ANK1: variants seen among roughly 807,000 people sequenced by gnomAD.
The protein encoded by ANK1 is ankyrin 1.
Under a neutral mutation model 210.4 loss-of-function variants are expected in ANK1, and 51 were observed. That is an observed-to-expected ratio of 0.24 (90% CI 0.19 to 0.31). The LOEUF (loss-of-function observed/expected upper bound fraction) is 0.31, where lower values mean the gene tolerates loss of function less well. Among genes scored for constraint, ANK1 ranks in the 10% least tolerant of loss-of-function variants. ANK1 has a pLI of 1.00. For missense variants in ANK1, 2,051 were observed against 2,504.4 expected, an observed-to-expected ratio of 0.82 and a Z score of 3.86; for synonymous variants, 967 against 1,025.9, an observed-to-expected ratio of 0.94 and a Z score of 1.10.
intron 37 of ANK1, among the ~76,000 whole-genome samples, chr8:41,675,660 G>A (rs1397333389): frequency 6.6e-6 from 1 of 152,130 alleles, no homozygotes; most frequent in African/African-American, 2.4e-5. Flanking sequence ...TGTGACACAT[G>A]TGTACCCCCA....
chr8:41,894,659 A>G (rs1820101576), intron 1 of ANK1, among the ~76,000 whole-genome samples: 1 of 152,192 alleles, frequency 6.6e-6, no homozygotes. Context: ...CTGAGTGAGC[A>G]GCTCGGAGAG....
chr8:41,831,137 C>A (rs976099909), intron 1 of ANK1, among the ~76,000 whole-genome samples: 5 of 152,174 alleles, frequency 3.3e-5, no homozygotes, highest in Non-Finnish European at 7.3e-5. Flanking sequence ...TTGACGACGA[C>A]CTTCCTTAAA....
chr8:41,764,358 A>C (rs1405012682), intron 1 of ANK1, among the ~76,000 whole-genome samples: 1 of 152,238 alleles, frequency 6.6e-6, no homozygotes, highest in African/African-American at 2.4e-5. Context: ...TCCTCAGTAC[A>C]TCCAGCAAAT....
upstream of ANK1, chr8:41,797,706 A>ACGGG (rs1587023805): frequency 7.3e-6 from 8 of 1,093,824 alleles, no homozygotes; most frequent in Non-Finnish European, 9.9e-6. The surrounding 1 kb of genome is among the most constrained non-coding windows in gnomAD (Gnocchi z 4.0). Flanking sequence ...CGCTCCCGGC[A>ACGGG]CGGGCGGGCG....
chr8:41,728,077 T>C, intron 3 of ANK1, 71 bp from the exon 4 acceptor site: 2 of 1,507,760 alleles, frequency 1.3e-6, no homozygotes, highest in Non-Finnish European at 1.8e-6. Context: ...CAAAGGTCTG[T>C]GGACAGGTGC....
chr8:41,786,535 C>T (rs1004979165), intron 1 of ANK1, among the ~76,000 whole-genome samples: 9 of 152,222 alleles, frequency 5.9e-5, no homozygotes, highest in South Asian at 2.1e-4. Flanking sequence ...CCAGTGGCCA[C>T]GTTGCAAACT....
chr8:41,845,366 G>A (rs948309459), intron 1 of ANK1, among the ~76,000 whole-genome samples: 1 of 150,914 alleles, frequency 6.6e-6, no homozygotes, highest in African/African-American at 2.5e-5. Context: ...TCCAGCCTGG[G>A]TGACAGAGCA....
rs761331660 is a variant in ANK1 at position 41,668,427 on chromosome 8, C to A, written c.5234G>T (p.Gly1745Val). ...TSTMTEGLEP[G>V]GSQEYEKVLV... ...GACCTTCTCGTACTCCTGAGATCCA[C>A]CGGGCTCTAGCCCTTCAGTCATGGT... Residue 1745 changes from glycine (G) to valine (V), a missense_variant, in exon 39 of 43, where the codon GGT becomes GTT. Physicochemically the swap from Gly to Val is moderately radical, Grantham distance 109 (BLOSUM62 -3). Coordinates refer to ENST00000289734, the MANE Select transcript of ANK1 (RefSeq NM_000037.4). 1.2e-6 allele frequency: 2 copies of A among 1,614,134 alleles called. No homozygotes were observed. The highest frequency in any genetic ancestry group is 2.7e-5 in the African/African-American group (2 of 74,942).
At chr8:41,675,890 G>A (rs1813987959) in intron 37 of ANK1, among the ~76,000 whole-genome samples, 1 of 152,100 alleles carries the variant, frequency 6.6e-6, no homozygotes, top group Non-Finnish European at 1.5e-5. Flanking sequence ...TTTAAAGCCT[G>A]GCTTCTTTCA....
Position 41,703,422 on chromosome 8 carries a change from GTATATATATA to G in ANK1, c.2295+609_2295+618del, listed in dbSNP as rs57077078. Reference sequence around the variant, plus strand: ...TATATGTGTGTGTGTGTGTGTGTGTGTATATATATATATATATATATATATATATTTTTTT... The same window carrying G: ...TATATGTGTGTGTGTGTGTGTGTGTGTATATATATATATATATATTTTTTT... On this transcript the variant is annotated intron_variant, in intron 20 of 42. Transcript: ENST00000289734. Among the ~76,000 whole-genome samples, 115 of 53,768 alleles carry G rather than the reference GTATATATATA, an allele frequency of 2.1e-3. 1 individual carries two copies. The highest frequency in any genetic ancestry group is 3.4e-3 in the Non-Finnish European group (99 of 28,810). 35.3% of individuals were successfully genotyped at this position (53,768 alleles called of 152,430 possible).
chr8:41,884,032 C>A (rs533650923), intron 1 of ANK1, among the ~76,000 whole-genome samples: 3 of 152,204 alleles, frequency 2.0e-5, no homozygotes, highest in East Asian at 1.9e-4. Flanking sequence ...CATTTCCTCA[C>A]GGAGTTGCTC....
chr8:41,784,008 C>T (rs569777444), intron 1 of ANK1, among the ~76,000 whole-genome samples: 1 of 150,824 alleles, frequency 6.6e-6, no homozygotes, highest in East Asian at 1.9e-4. Context: ...ATGATTGCAT[C>T]ACTGCACTCC....
At chr8:41,727,554 C>T (rs932557094) in intron 4 of ANK1, among the ~76,000 whole-genome samples, 3 of 152,182 alleles carry the variant, frequency 2.0e-5, no homozygotes, top group African/African-American at 2.4e-5. Flanking sequence ...CCCTCGCCAC[C>T]GTAGGTCAGT....
rs553675958 is a variant in ANK1 at position 41,668,579 on chromosome 8, A to C, written c.5097-15T>G. The C allele has an allele frequency of 1.2e-6, 2 of 1,607,878 alleles. No homozygotes were observed. The highest frequency in any genetic ancestry group is 1.1e-5 in the South Asian group (1 of 90,856). On this transcript the variant is annotated splice_polypyrimidine_tract_variant and intron_variant, in intron 38 of 42. Coordinates refer to ENST00000289734, the MANE Select transcript of ANK1 (RefSeq NM_000037.4). ...AGTCCTGCAGTCTGGGGTCCAGAAG[A>C]AGCAGCAGATGGCCGGCCGGGGAGA... is the stretch of plus-strand genomic sequence containing the variant.
intron 1 of ANK1, among the ~76,000 whole-genome samples, chr8:41,792,405 C>T (rs1428874572): frequency 6.6e-6 from 1 of 152,226 alleles, no homozygotes; most frequent in African/African-American, 2.4e-5. Flanking sequence ...TTCCCGACAT[C>T]AATTGGCCCA....
At chr8:41,706,558 T>A (rs1156508022) in intron 17 of ANK1, among the ~76,000 whole-genome samples, 1 of 152,232 alleles carries the variant, frequency 6.6e-6, no homozygotes, top group African/African-American at 2.4e-5. Flanking sequence ...AAACAAGTGG[T>A]GGACCAGATT....
intron 2 of ANK1, among the ~76,000 whole-genome samples, chr8:41,757,328 T>G (rs1428117769): frequency 6.6e-6 from 1 of 152,158 alleles, no homozygotes; most frequent in East Asian, 1.9e-4. Flanking sequence ...CAGGCAAATA[T>G]CTACAAACAA....
rs1323292916 is a variant in ANK1 at position 41,672,869 on chromosome 8, C to T, written c.4581G>A (p.Leu1527=). Residue 1527 remains leucine, a synonymous_variant, in exon 38 of 43, where the codon CTG becomes CTA. Coordinates refer to ENST00000289734, the MANE Select transcript of ANK1 (RefSeq NM_000037.4). ...LQDELLSPAS[L]GCALSSPLRA... ...GTAGCGGAGAGGAAAGTGCACAGCC[C>T]AGGGAGGCAGGGGACAGCAGCTCGT... The T allele has an allele frequency of 1.2e-6, 2 of 1,607,638 alleles. No individual in the cohort carries two copies. Among genetic ancestry groups the T allele is most frequent in the Non-Finnish European group, 1.7e-6 (2 of 1,179,928 alleles).
intron 1 of ANK1, among the ~76,000 whole-genome samples, chr8:41,805,233 CTCTT>C (rs951451635): frequency 6.6e-6 from 1 of 151,222 alleles, no homozygotes; most frequent in Non-Finnish European, 1.5e-5. Flanking sequence ...CTGTCTCTCT[CTCTT>C]TGTCTCTTTC....
Sources: gnomAD v4.1 joint callset for allele counts (sites outside exome capture counted in the v4.1 genomes callset) on GRCh38, gnomAD v4.1.1 for gene constraint, Gnocchi (gnomAD v3.1) non-coding constraint, MANE v1.5 for transcripts, NCBI Gene and HGNC (gene_info 2026-07-23, HGNC 2026-07-21) for gene names.